CEP128: variants seen among roughly 807,000 people sequenced by gnomAD.
CEP128 encodes the protein centrosomal protein 128kDa.
CEP128 carries 132 observed loss-of-function variants against 156.7 expected under a neutral mutation model. That is an observed-to-expected ratio of 0.84 (90% CI 0.73 to 0.97). The LOEUF (loss-of-function observed/expected upper bound fraction) is 0.97, where lower values mean the gene tolerates loss of function less well. Among genes scored for constraint, CEP128 ranks in the 50% least tolerant of loss-of-function variants. The pLI, the probability that CEP128 is intolerant of heterozygous loss-of-function variation, is 0.00. For missense variants in CEP128, 1,252 were observed against 1,281.9 expected (o/e 0.98, Z 0.36); for synonymous variants, 469 against 448.9 (o/e 1.04, Z -0.57).
intron 23 of CEP128, among the ~76,000 whole-genome samples, chr14:80,522,147 C>T (rs1025079526): frequency 6.6e-5 from 10 of 152,088 alleles, no homozygotes; most frequent in Admixed American, 5.9e-4. Flanking sequence ...TATTTACAGT[C>T]ATTAAAATAA....
intron 13 of CEP128, among the ~76,000 whole-genome samples, chr14:80,804,499 C>A (rs767870056): frequency 9.2e-5 from 14 of 152,052 alleles, no homozygotes; most frequent in Non-Finnish European, 1.9e-4. Context: ...ATAATACTGA[C>A]CCTATGAACA....
chr14:80,756,931 A>G lies in CEP128; in HGVS notation c.2574T>C (p.Asp858=). The G allele has an allele frequency of 6.2e-7, 1 of 1,601,122 alleles. No individual in the cohort carries two copies. The highest frequency in any genetic ancestry group is 1.1e-5 in the South Asian group (1 of 90,016). The stretch of plus-strand genomic sequence containing the variant: ...ACCAGCGATGTGGGTCATAATGTAT[A>G]TCAGGACCAGATGAAAAAACCTACA... ...EKLKVFSSGP[D]IHYDPHRWLA... Residue 858 remains aspartate (D), a synonymous_variant, in exon 18 of 25, where the codon GAT becomes GAC. Coordinates refer to ENST00000555265, the MANE Select transcript of CEP128 (RefSeq NM_152446.5).
chr14:80,660,143 C>T (rs1017694772), intron 19 of CEP128, among the ~76,000 whole-genome samples: 2 of 152,128 alleles, frequency 1.3e-5, no homozygotes, highest in African/African-American at 2.4e-5. Flanking sequence ...ATTTTATCCC[C>T]TCTTCCTTTC....
chr14:80,569,900 C>T (rs1595020993), intron 20 of CEP128, among the ~76,000 whole-genome samples: 1 of 152,002 alleles, frequency 6.6e-6, no homozygotes, highest in African/African-American at 2.4e-5. Context: ...AATGAGCCAG[C>T]CACTGAAAGA....
chr14:80,896,438 C>A (rs1212791311), intron 7 of CEP128, among the ~76,000 whole-genome samples: 1 of 152,138 alleles, frequency 6.6e-6, no homozygotes, highest in Admixed American at 6.5e-5. Context: ...TTGCTGGTTG[C>A]CTTCATCATG....
chr14:80,785,001 G>T lies in CEP128; in HGVS notation c.2105C>A (p.Ser702Ter), dbSNP rs1901321727. The T allele has an allele frequency of 6.2e-7, 1 of 1,614,014 alleles. No individual in the cohort carries two copies. The change falls in exon 15 of 25, where the codon TCA becomes TAA. Residue 702 changes from serine (S) to a stop codon, truncating the protein, a stop_gained. Coordinates refer to ENST00000555265, the MANE Select transcript of CEP128 (RefSeq NM_152446.5). LOFTEE classifies it high-confidence loss of function. Reference sequence around the variant, plus strand: ...TTTTGTTTTCACACTCTGCAATGATGATGTGAGATCTTTCAGCTCCCTCTG... The same window carrying T: ...TTTTGTTTTCACACTCTGCAATGATTATGTGAGATCTTTCAGCTCCCTCTG... ...VHQRELKDLT[S>*]SLQSVKTKHE...
chr14:80,857,741 A>AAAC (rs899235752), intron 9 of CEP128, among the ~76,000 whole-genome samples: 8 of 138,260 alleles, frequency 5.8e-5, no homozygotes, highest in African/African-American at 2.6e-4. Flanking sequence ...TCTCAAAAAA[A>AAAC]AACAACAACA....
chr14:80,652,841 A>G (rs1894965744), intron 19 of CEP128, among the ~76,000 whole-genome samples: 1 of 152,212 alleles, frequency 6.6e-6, no homozygotes, highest in Non-Finnish European at 1.5e-5. Context: ...ATTACTGGGT[A>G]TAAACCCAAA....
At chr14:80,617,219 C>CATTTT (rs1893254041) in intron 19 of CEP128, among the ~76,000 whole-genome samples, 1 of 60,216 alleles carries the variant, frequency 1.7e-5, no homozygotes. Context: ...TGAATATCAT[C>CATTTT]TTTTTTTTTT....
At chr14:80,587,081 T>C (rs944193453) in intron 19 of CEP128, among the ~76,000 whole-genome samples, 5 of 152,034 alleles carry the variant, frequency 3.3e-5, no homozygotes, top group Non-Finnish European at 7.4e-5. Context: ...ATATCTCTGC[T>C]AAAATCAGGA....
chr14:80,486,961 C>T (rs536066383), downstream of CEP128, among the ~76,000 whole-genome samples: 34 of 152,222 alleles, frequency 2.2e-4, no homozygotes, highest in Non-Finnish European at 2.9e-4. Context: ...GAAGAAACTG[C>T]ATCAACTAAC....
chr14:80,952,589 C>T (rs1290505142), intron 2 of CEP128, among the ~76,000 whole-genome samples: 2 of 151,552 alleles, frequency 1.3e-5, no homozygotes, highest in African/African-American at 2.4e-5. Context: ...CTTAAGAAAC[C>T]TCACCTTAAG....
rs779984422 is a variant in CEP128 at position 80,880,908 on chromosome 14, A to AATAATAATT, written c.645+14809_645+14810insAATTATTAT. ...TAATAATAATAATAATAATAATAAT[A>AATAATAATT]ATTTCAGTAAAGGATACAAAATCAA... is the stretch of plus-strand genomic sequence containing the variant. On this transcript the variant is annotated intron_variant, in intron 8 of 24. Coordinates refer to ENST00000555265, the MANE Select transcript of CEP128 (RefSeq NM_152446.5). Among the ~76,000 whole-genome samples the AATAATAATT allele has an allele frequency of 5.5e-4, 74 of 133,640 alleles. 1 individual carries two copies. Among genetic ancestry groups the AATAATAATT allele is most frequent in the East Asian group, 4.7e-3 (23 of 4,852 alleles). 87.7% of individuals were successfully genotyped at this position (133,640 alleles called of 152,430 possible).
At position 80,778,036 on chromosome 14, in the gene CEP128, A is replaced by G; in HGVS notation, c.2222T>C (p.Leu741Ser). ...AATTTTAGCCATATTCTTCTCTTCTAAACTTTCAGCCTGAGAAAAAGAGAA... is the reference window on the plus strand; with the variant it reads ...AATTTTAGCCATATTCTTCTCTTCTGAACTTTCAGCCTGAGAAAAAGAGAA... ...NHIRTLKAES[L>S]EEKNMAKIHR... Residue 741 changes from leucine (L) to serine (S), a missense_variant, in exon 16 of 25, where the codon TTA becomes TCA. Transcript: ENST00000555265. The G allele has an allele frequency of 3.7e-6, 6 of 1,612,770 alleles. No homozygotes were observed. Among genetic ancestry groups the G allele is most frequent in the Non-Finnish European group, 5.1e-6 (6 of 1,179,732 alleles).
intron 13 of CEP128, among the ~76,000 whole-genome samples, chr14:80,798,998 T>C (rs1344662855): frequency 6.6e-6 from 1 of 152,226 alleles, no homozygotes; most frequent in African/African-American, 2.4e-5. Context: ...GTGCTTTGTA[T>C]AGAAACTTGT....
chr14:80,732,515 T>TGTGC lies in CEP128; in HGVS notation c.2806+10559_2806+10560insGCAC, dbSNP rs1221727101. 8.9e-3 allele frequency among the ~76,000 whole-genome samples: 1,310 copies of TGTGC among 147,982 alleles called. 17 individuals are homozygous for TGTGC. The highest frequency in any genetic ancestry group is 0.014 in the Non-Finnish European group (941 of 66,846). On this transcript the variant is annotated intron_variant, in intron 19 of 24. Transcript: ENST00000555265. Reference sequence around the variant, plus strand: ...GTGTGTGTGTGTGTGTGTGTGTGTGTGTGTGGTTTCTCCAATAAAACCTGT... The same window carrying TGTGC: ...GTGTGTGTGTGTGTGTGTGTGTGTGTGTGCGTGTGGTTTCTCCAATAAAACCTGT...
At chr14:80,862,226 C>G (rs1293637592) in intron 9 of CEP128, among the ~76,000 whole-genome samples, 1 of 152,190 alleles carries the variant, frequency 6.6e-6, no homozygotes, top group Admixed American at 6.5e-5. Flanking sequence ...GCTACAACTA[C>G]TCAACTCTGC....
At chr14:80,557,437 T>C (rs1890483259) in intron 21 of CEP128, among the ~76,000 whole-genome samples, 2 of 152,228 alleles carry the variant, frequency 1.3e-5, no homozygotes, top group South Asian at 4.1e-4. Context: ...ATTTGCTAAA[T>C]GTTGCATAAG....
intron 2 of CEP128, among the ~76,000 whole-genome samples, chr14:80,917,661 C>G (rs750400111): frequency 4.6e-5 from 7 of 152,148 alleles, no homozygotes; most frequent in African/African-American, 7.2e-5. Flanking sequence ...GCCTCAGCCT[C>G]CCGAGAAAAC....
Sources: allele counts gnomAD v4.1 joint callset (sites outside exome capture counted in the v4.1 genomes callset), GRCh38; gene constraint gnomAD v4.1.1; transcripts MANE v1.5; gene names NCBI Gene and HGNC (gene_info 2026-07-23, HGNC 2026-07-21).